The following MARK3 variants were observed in gnomAD, a reference collection of about 807,000 sequenced individuals.
MARK3 encodes MAP/microtubule affinity-regulating kinase 3.
A neutral mutation model predicts 90.1 loss-of-function variants in MARK3; 46 were observed. That is an observed-to-expected ratio of 0.51 (90% CI 0.40 to 0.65). The LOEUF (loss-of-function observed/expected upper bound fraction) is 0.65. Ranked by LOEUF, MARK3 falls within the 30% of genes least tolerant of loss-of-function variation. The probability of loss-of-function intolerance (pLI) is 0.00; values close to 1 mark genes in which losing one functional copy is unlikely to be tolerated. For synonymous variants in MARK3, 321 were observed against 332.6 expected, an observed-to-expected ratio of 0.97 and a Z score of 0.38; for missense variants, 818 against 947.2, an observed-to-expected ratio of 0.86 and a Z score of 1.79.
intron 14 of MARK3, 56 bp downstream of exon 14, chr14:103,480,546 C>T: frequency 9.7e-7 from 1 of 1,027,644 alleles, no homozygotes. Flanking sequence ...GAAATGGAAG[C>T]ATGTTATTTA....
At chr14:103,438,157 C>A (rs768631952) in intron 3 of MARK3, among the ~76,000 whole-genome samples, 1 of 152,150 alleles carries the variant, frequency 6.6e-6, no homozygotes, top group African/African-American at 2.4e-5. Flanking sequence ...CCCGCCACCA[C>A]GCCCAGCTAA....
chr14:103,428,527 A>G (rs753609923), intron 3 of MARK3, 87 bp downstream of exon 3: 8 of 716,526 alleles, frequency 1.1e-5, no homozygotes, highest in Middle Eastern at 2.6e-4. Context: ...CCCAACTGTT[A>G]TTTTATGTTT....
In MARK3 at chr14:103,503,586, G is replaced by A. The variant is rs542880317; in HGVS notation, c.*359G>A. ...AGCCAGTCATTACTAGTACCTCTGCGGGAGATCATCCGGTGCTAAAACATT... is the reference window on the plus strand; with the variant it reads ...AGCCAGTCATTACTAGTACCTCTGCAGGAGATCATCCGGTGCTAAAACATT... On this transcript the variant is annotated 3_prime_UTR_variant, in exon 18 of 18. Transcript: ENST00000429436. 13 of 213,544 alleles carry A rather than the reference G, an allele frequency of 6.1e-5. No individual in the cohort carries two copies. The highest frequency in any genetic ancestry group is 5.3e-4 in the South Asian group (5 of 9,448). The allele number at this position is 213,544 out of a possible 1,614,324, so 13.2% of individuals were successfully genotyped here. A position where few individuals can be genotyped will look rare whatever the true frequency, so the allele number is the denominator to read the frequency against.
At chr14:103,476,717 T>C (rs1421784174) in intron 13 of MARK3, among the ~76,000 whole-genome samples, 1 of 152,192 alleles carries the variant, frequency 6.6e-6, no homozygotes, top group Non-Finnish European at 1.5e-5. Context: ...GAGGAGGCTG[T>C]GGAGAAACCC....
intron 15 of MARK3, among the ~76,000 whole-genome samples, chr14:103,495,608 A>G (rs1566943721): frequency 6.6e-6 from 1 of 152,144 alleles, no homozygotes; most frequent in Non-Finnish European, 1.5e-5. Context: ...TATTTCATAT[A>G]TTTGAATTAA....
chr14:103,387,391 A>G (rs1321280203), intron 1 of MARK3, among the ~76,000 whole-genome samples: 6 of 152,348 alleles, frequency 3.9e-5, no homozygotes, highest in Non-Finnish European at 8.8e-5. Flanking sequence ...AGAAAATTAT[A>G]TAAAGAGTGA....
intron 2 of MARK3, among the ~76,000 whole-genome samples, chr14:103,408,903 G>A (rs1276560958): frequency 6.6e-6 from 1 of 152,100 alleles, no homozygotes; most frequent in Non-Finnish European, 1.5e-5. Context: ...AGCTTGTGTG[G>A]GCGGAGCTGT....
Position 103,468,049 on chromosome 14 carries a change from C to G in MARK3, c.1127C>G (p.Ser376Cys). Reference protein sequence around the residue: ...RKSSELDASDSSSSSNLSLAK... With the variant: ...RKSSELDASDCSSSSNLSLAK... ...TTCTCTTAGCTGGATGCTAGTGATT[C>G]CAGTTCTAGCAGCAATCTTTCACTT... is the stretch of plus-strand genomic sequence containing the variant. Residue 376 changes from serine to cysteine, a missense_variant, in exon 12 of 18, where the codon TCC (serine) becomes TGC (cysteine). Coordinates refer to ENST00000429436, the MANE Select transcript of MARK3 (RefSeq NM_001128918.3). 2.5e-6 allele frequency: 4 copies of G among 1,613,614 alleles called. No homozygotes were observed. Among genetic ancestry groups the G allele is most frequent in the Non-Finnish European group, 3.4e-6 (4 of 1,179,848 alleles).
chr14:103,469,312 G>A (rs1484064586), intron 12 of MARK3: 1 of 151,970 alleles, frequency 6.6e-6, no homozygotes, highest in African/African-American at 2.4e-5. Context: ...CTCCTGAGTA[G>A]CTGGGATTAC....
chr14:103,456,920 A>G (rs541200215), intron 5 of MARK3, among the ~76,000 whole-genome samples: 4 of 152,242 alleles, frequency 2.6e-5, no homozygotes, highest in East Asian at 1.9e-4. Flanking sequence ...TAATTTAAGT[A>G]TAGGGAATTT....
intron 2 of MARK3, among the ~76,000 whole-genome samples, chr14:103,420,983 T>C (rs983282273): frequency 6.6e-6 from 1 of 152,182 alleles, no homozygotes; most frequent in African/African-American, 2.4e-5. Flanking sequence ...TGCTGTCTAG[T>C]CTTCCTAACG....
intron 7 of MARK3, among the ~76,000 whole-genome samples, chr14:103,464,401 C>G (rs1191605949): frequency 7.1e-6 from 1 of 140,614 alleles, no homozygotes; most frequent in African/African-American, 2.7e-5. Flanking sequence ...CAGGTTCAAG[C>G]GATTCTCCTG....
At chr14:103,465,061 G>A (rs569102721) in intron 7 of MARK3, among the ~76,000 whole-genome samples, 5 of 152,144 alleles carry the variant, frequency 3.3e-5, no homozygotes, top group East Asian at 3.9e-4. Context: ...TCTGCCTCCC[G>A]AGTTCAAGCA....
At chr14:103,463,061 G>T (rs1484534112) in intron 7 of MARK3, among the ~76,000 whole-genome samples, 1 of 151,924 alleles carries the variant, frequency 6.6e-6, no homozygotes, top group African/African-American at 2.4e-5. Flanking sequence ...TCTGTCTGAT[G>T]CCTCTTTTCT....
At chr14:103,458,723 A>G (rs931157980) in intron 6 of MARK3, 13 of 714,046 alleles carry the variant, frequency 1.8e-5, no homozygotes, top group Middle Eastern at 2.3e-4. Context: ...TTATTCATAT[A>G]CAGGGTTGTC....
At position 103,466,408 on chromosome 14, in the gene MARK3, A is replaced by T; in HGVS notation, c.963A>T (p.Glu321Asp). 1 of 1,613,924 alleles carries T rather than the reference A, an allele frequency of 6.2e-7. No homozygotes were observed. The highest frequency in any genetic ancestry group is 8.5e-7 in the Non-Finnish European group (1 of 1,179,860). ...AAGATGAACTCAAACCATTTGTTGA[A>T]CCAGAGCTAGACATCTCAGACCAAA... ...HEEDELKPFV[E>D]PELDISDQKR... is the part of the protein sequence containing the mutation. Residue 321 changes from glutamate to aspartate, a missense_variant, in exon 10 of 18, where the codon GAA becomes GAT. Glu to Asp is a conservative substitution (Grantham distance 45). Transcript: ENST00000429436.
chr14:103,403,283 T>A (rs11621510), intron 1 of MARK3, among the ~76,000 whole-genome samples: 1 of 151,460 alleles, frequency 6.6e-6, no homozygotes, highest in Non-Finnish European at 1.5e-5. Context: ...GGATATGGAC[T>A]GCTTTATGCG....
intron 2 of MARK3, chr14:103,412,788 AAG>A (rs2091728961): frequency 2.2e-6 from 1 of 449,538 alleles, no homozygotes; most frequent in African/African-American, 2.1e-5. Flanking sequence ...CTAACCAGAA[AAG>A]AGGGTTTAGT....
At chr14:103,420,851 T>G (rs1382935876) in intron 2 of MARK3, among the ~76,000 whole-genome samples, 1 of 152,204 alleles carries the variant, frequency 6.6e-6, no homozygotes, top group Non-Finnish European at 1.5e-5. Context: ...CTTTCTTTTT[T>G]TCAGTCTTTG....
Sources: gnomAD v4.1 joint callset for allele counts (sites outside exome capture counted in the v4.1 genomes callset) on GRCh38, gnomAD v4.1.1 for gene constraint, MANE v1.5 for transcripts, NCBI Gene and HGNC (gene_info 2026-07-23, HGNC 2026-07-21) for gene names.